KIF26B: variants seen among roughly 807,000 people sequenced by gnomAD.
The protein encoded by KIF26B is kinesin family member 26B.
In KIF26B, 63 loss-of-function variants were observed where a neutral mutation model predicts 151.2. That is an observed-to-expected ratio of 0.42 (90% CI 0.34 to 0.51). KIF26B has a LOEUF of 0.51. KIF26B is among the 20% of genes least tolerant of loss of function. The pLI is 0.07. For synonymous variants in KIF26B, 1,357 were observed against 1,262.1 expected (o/e 1.08, Z -1.59); for missense variants, 2,813 against 2,913.6 (o/e 0.97, Z 0.79).
chr1:245,666,605 G>A (rs2044218192), intron 10 of KIF26B, among the ~76,000 whole-genome samples: 1 of 152,138 alleles, frequency 6.6e-6, no homozygotes, highest in African/African-American at 2.4e-5. Context: ...GATGGGACAG[G>A]TTTAGGCTTT....
chr1:245,263,285 C>T (rs2103571357), intron 2 of KIF26B, among the ~76,000 whole-genome samples: 1 of 152,308 alleles, frequency 6.6e-6, no homozygotes. Context: ...CGCAGGGGTT[C>T]ACATCCTGAT....
intron 2 of KIF26B, among the ~76,000 whole-genome samples, chr1:245,304,305 C>T (rs548573432): frequency 6.6e-6 from 1 of 152,322 alleles, no homozygotes; most frequent in South Asian, 2.1e-4. Context: ...CTCCTCTCCT[C>T]TCTGATCAAT....
At chr1:245,699,158 C>T in intron 14 of KIF26B, 121 bp downstream of exon 14, 1 of 1,061,232 alleles carries the variant, frequency 9.4e-7, no homozygotes, top group African/African-American at 1.6e-5. Context: ...ACAGGATGCC[C>T]ATCAAATGGA....
At chr1:245,379,356 C>T (rs908271371) in intron 3 of KIF26B, among the ~76,000 whole-genome samples, 3 of 151,892 alleles carry the variant, frequency 2.0e-5, no homozygotes, top group Admixed American at 6.6e-5. Flanking sequence ...CAAATAGATT[C>T]GAATCATTTA....
intron 2 of KIF26B, among the ~76,000 whole-genome samples, chr1:245,190,438 G>A (rs1333084551): frequency 1.3e-5 from 2 of 152,042 alleles, no homozygotes; most frequent in Admixed American, 1.3e-4. Context: ...AGGGTACAGG[G>A]CAGCAGCCTC....
intron 2 of KIF26B, among the ~76,000 whole-genome samples, chr1:245,245,163 G>A (rs1670302910): frequency 6.6e-6 from 1 of 152,144 alleles, no homozygotes; most frequent in Admixed American, 6.5e-5. Context: ...AGGTCTGAGG[G>A]TCTGCAGATG....
At chr1:245,159,316 A>T (rs1668497623) in intron 2 of KIF26B, among the ~76,000 whole-genome samples, 1 of 152,258 alleles carries the variant, frequency 6.6e-6, no homozygotes, top group South Asian at 2.1e-4. Flanking sequence ...AGTCAAAAGC[A>T]GAATAGCACA....
At chr1:245,464,226 CA>C in intron 4 of KIF26B, among the ~76,000 whole-genome samples, 1 of 152,318 alleles carries the variant, frequency 6.6e-6, no homozygotes, top group East Asian at 1.9e-4. Context: ...GAAGACCCAT[CA>C]AAGACCTGAC....
chr1:245,247,948 G>T lies in KIF26B; in HGVS notation c.465+91265G>T, dbSNP rs948503479. Among the ~76,000 whole-genome samples, 4 of 152,140 alleles carry T rather than the reference G, an allele frequency of 2.6e-5. No individual in the cohort carries two copies. In the South Asian group the frequency reaches 8.3e-4, roughly 32 times the overall value. On this transcript the variant is annotated intron_variant, in intron 2 of 14. Transcript: ENST00000407071. ...AGATGCCCTCAGCTCACCAGAGCCC[G>T]TGTTAGCCCTGGTTCCGGTCCTCAG... is the stretch of plus-strand genomic sequence containing the variant.
Position 245,698,112 on chromosome 1 carries a change from A to G in KIF26B, c.5831A>G (p.Gln1944Arg). 1.9e-6 allele frequency: 3 copies of G among 1,613,558 alleles called. No individual in the cohort carries two copies. Among genetic ancestry groups the G allele is most frequent in the East Asian group, 2.2e-5 (1 of 44,862 alleles). ...GGCTTATCCCCCTCCTCAGGTTCTC[A>G]GAGACGGAGGCTTATCCCAGCACTA... ...TPKKRSNPGSQRRRLIPALSL... is the reference protein window; with the variant it reads ...TPKKRSNPGSRRRRLIPALSL... Residue 1944 changes from glutamine to arginine, a missense_variant, in exon 13 of 15, where the codon CAG becomes CGG. Gln to Arg is a conservative substitution (Grantham distance 43). This residue lies in a region of KIF26B where 2,060 missense variants were observed against 2,088.6 expected (regional missense o/e 0.99). Coordinates refer to ENST00000407071, the MANE Select transcript of KIF26B (RefSeq NM_018012.4). The surrounding 1 kb of genome is among the most constrained non-coding windows in gnomAD (Gnocchi z 4.0).
In KIF26B at chr1:245,191,284, G is replaced by A. The variant is rs565908074; in HGVS notation, c.465+34601G>A. ...GAGGTCAGGAGTTCGAGACCAGCCT[G>A]GCCAACATGGTGAAACCCCATCTCT... On this transcript the variant is annotated intron_variant, in intron 2 of 14. Transcript: ENST00000407071. 2.6e-5 allele frequency among the ~76,000 whole-genome samples: 4 copies of A among 151,716 alleles called. No individual in the cohort carries two copies. The South Asian group carries it at 6.2e-4, about 24-fold the overall frequency.
At chr1:245,518,069 A>G (rs1661011212) in intron 4 of KIF26B, among the ~76,000 whole-genome samples, 1 of 151,970 alleles carries the variant, frequency 6.6e-6, no homozygotes, top group Non-Finnish European at 1.5e-5. Flanking sequence ...ACGAGGGTTC[A>G]CCATCTTGGC....
chr1:245,518,691 C>T (rs570671175), intron 4 of KIF26B, among the ~76,000 whole-genome samples: 28 of 152,232 alleles, frequency 1.8e-4, no homozygotes, highest in African/African-American at 6.7e-4. Context: ...TACTGATAAG[C>T]CTTCTAAAAC....
At position 245,688,096 on chromosome 1, in the gene KIF26B, C is replaced by T. The variant is rs770262561; in HGVS notation, c.5113C>T (p.Arg1705Cys). 7 of 1,554,184 alleles carry T rather than the reference C, an allele frequency of 4.5e-6. No individual in the cohort carries two copies. The highest frequency in any genetic ancestry group is 2.4e-5 in the South Asian group (2 of 84,632). The part of the protein sequence containing the change: ...LHAGKDGTMP[R>C]AGRSLGRSAG... ...CGCGGGCAAGGACGGCACCATGCCC[C>T]GCGCGGGGAGGAGCCTGGGCCGCAG... Residue 1705 changes from arginine to cysteine, a missense_variant, in exon 12 of 15, where the codon CGC becomes TGC. Around this residue, in one of 3 missense-constraint regions of KIF26B, gnomAD observed 2,060 missense variants for 2,088.6 expected, o/e 0.99. Coordinates refer to ENST00000407071, the MANE Select transcript of KIF26B (RefSeq NM_018012.4).
intron 4 of KIF26B, among the ~76,000 whole-genome samples, chr1:245,506,311 A>G (rs1375872739): frequency 6.6e-6 from 1 of 152,142 alleles, no homozygotes; most frequent in Admixed American, 6.5e-5. Flanking sequence ...TTAACTGAAA[A>G]CTTTTTATTT....
intron 3 of KIF26B, among the ~76,000 whole-genome samples, chr1:245,383,032 T>A (rs556982806): frequency 6.9e-6 from 1 of 144,826 alleles, no homozygotes; most frequent in East Asian, 2.1e-4. Flanking sequence ...TATATATATA[T>A]GTATATGTAT....
intron 4 of KIF26B, among the ~76,000 whole-genome samples, chr1:245,486,008 T>A (rs1660273359): frequency 1.3e-5 from 2 of 152,236 alleles, no homozygotes; most frequent in African/African-American, 4.8e-5. Context: ...ATACTGGCAT[T>A]TACTTAAGTG....
intron 3 of KIF26B, among the ~76,000 whole-genome samples, chr1:245,411,672 T>G (rs1169541119): frequency 6.6e-6 from 1 of 152,192 alleles, no homozygotes; most frequent in Non-Finnish European, 1.5e-5. Context: ...ATCTGCTCCT[T>G]AGAGGGAGCC....
intron 2 of KIF26B, among the ~76,000 whole-genome samples, chr1:245,285,327 G>A (rs1476278844): frequency 6.6e-6 from 1 of 152,170 alleles, no homozygotes; most frequent in Non-Finnish European, 1.5e-5. Context: ...TTCTGCCCAT[G>A]CTCCGTTAGC....
Sources: gnomAD v4.1 joint callset for allele counts (sites outside exome capture counted in the v4.1 genomes callset) on GRCh38, gnomAD v4.1.1 for gene constraint, gnomAD v4.1.1 regional missense constraint, Gnocchi (gnomAD v3.1) non-coding constraint, MANE v1.5 for transcripts, NCBI Gene and HGNC (gene_info 2026-07-23, HGNC 2026-07-21) for gene names.